Variants in PIK3R4 observed in about 807,000 individuals in gnomAD.
The protein encoded by PIK3R4 is phosphoinositide-3-kinase regulatory subunit 4.
PIK3R4 carries 46 observed loss-of-function variants against 136.5 expected under a neutral mutation model. The observed-to-expected ratio is 0.34, with a 90% CI of 0.27 to 0.43. PIK3R4 has a LOEUF of 0.43. Among genes scored for constraint, PIK3R4 ranks in the 20% least tolerant of loss-of-function variants. PIK3R4 has a pLI of 1.00. For missense variants in PIK3R4, 1,331 were observed against 1,649.5 expected (o/e 0.81, Z 3.35); for synonymous variants, 557 against 566.7 (o/e 0.98, Z 0.24).
At chr3:130,701,112 T>G (rs1029510316) in intron 13 of PIK3R4, among the ~76,000 whole-genome samples, 1 of 152,214 alleles carries the variant, frequency 6.6e-6, no homozygotes, top group Non-Finnish European at 1.5e-5. Flanking sequence ...AAGCAGGGTT[T>G]TTGCAATTTA....
In PIK3R4 at chr3:130,707,132, C is replaced by G. The variant is rs185118493; in HGVS notation, c.2537G>C (p.Arg846Thr). ...TKQEPDDKRA[R>T]KHVKQDSNVN... ...ATTTGAGTCTTGTTTTACATGTTTT[C>G]TGGCTATGAAAATATATTCAGAATA... Residue 846 changes from arginine to threonine, a missense_variant, in exon 11 of 20, where the codon AGA becomes ACA. By Grantham distance (71) the Arg-to-Thr change is moderately conservative. Coordinates refer to ENST00000356763, the MANE Select transcript of PIK3R4 (RefSeq NM_014602.3). 31 of 1,599,168 alleles carry G rather than the reference C, an allele frequency of 1.9e-5. No homozygotes were observed. In the Admixed American group the frequency reaches 3.8e-4, roughly 20 times the overall value.
At chr3:130,722,837 A>C (rs758604959) in intron 7 of PIK3R4, among the ~76,000 whole-genome samples, 1 of 150,702 alleles carries the variant, frequency 6.6e-6, no homozygotes, top group African/African-American at 2.4e-5. Flanking sequence ...CAGGCAGATC[A>C]TGAGGTCAGG....
chr3:130,728,701 A>G lies in PIK3R4; in HGVS notation c.1586-17T>C. Reference sequence around the variant, plus strand: ...CTTGGAGCTCTAAAAAAAAAAAAAAAAGAAAGAAAGAAAGAAAGAAAAGAA... The same window carrying G: ...CTTGGAGCTCTAAAAAAAAAAAAAAGAGAAAGAAAGAAAGAAAGAAAAGAA... On this transcript the variant is annotated splice_polypyrimidine_tract_variant and intron_variant, in intron 5 of 19. Coordinates refer to ENST00000356763, the MANE Select transcript of PIK3R4 (RefSeq NM_014602.3). 1.4e-6 allele frequency: 2 copies of G among 1,387,618 alleles called. No individual in the cohort carries two copies. The highest frequency in any genetic ancestry group is 2.3e-5 in the Admixed American group (1 of 43,144). The allele number at this position is 1,387,618 out of a possible 1,614,324, so 86.0% of individuals were successfully genotyped here.
At chr3:130,723,388 T>C in intron 7 of PIK3R4, 26 bp downstream of exon 7, 1 of 1,575,456 alleles carries the variant, frequency 6.3e-7, no homozygotes, top group South Asian at 1.2e-5. Context: ...CCAATCTCAT[T>C]CTAATTTTGA....
intron 2 of PIK3R4, 148 bp from the exon 3 acceptor site, chr3:130,736,150 T>C (rs2066784596): frequency 5.4e-6 from 3 of 552,258 alleles, no homozygotes; most frequent in Non-Finnish European, 9.3e-6. Flanking sequence ...ACAACTACAA[T>C]CAAGCTGACA....
At chr3:130,703,671 A>G (rs993433151) in intron 13 of PIK3R4, 52 bp downstream of exon 13, 1 of 1,384,978 alleles carries the variant, frequency 7.2e-7, no homozygotes, top group Non-Finnish European at 1.0e-6. Context: ...ACACTCAATA[A>G]ACATTTGTTG....
In PIK3R4 at chr3:130,734,124, G is replaced by C; in HGVS notation, c.874C>G (p.Gln292Glu). 3 of 1,608,350 alleles carry C rather than the reference G, an allele frequency of 1.9e-6. No individual in the cohort carries two copies. The highest frequency in any genetic ancestry group is 2.5e-6 in the Non-Finnish European group (3 of 1,176,788). ...TTATCTGGCTCACGGTGAATCATCT[G>C]AGTTACCTATACCAAGGGAAGAAAA... ...EDHSIRELVT[Q>E]MIHREPDKRL... The change falls in exon 4 of 20, where the codon CAG becomes GAG. Residue 292 changes from glutamine to glutamate, a missense_variant. Around this residue, in one of 2 missense-constraint regions of PIK3R4, gnomAD observed 1,180 missense variants for 1,407.0 expected, o/e 0.84. Coordinates refer to ENST00000356763, the MANE Select transcript of PIK3R4 (RefSeq NM_014602.3).
At chr3:130,681,639 A>T (rs1477679206) in intron 16 of PIK3R4, 48 bp from the exon 17 acceptor site, 1 of 1,171,180 alleles carries the variant, frequency 8.5e-7, no homozygotes, top group South Asian at 1.3e-5. Flanking sequence ...AAAGAGTTGG[A>T]GAAGATTACA....
intron 15 of PIK3R4, among the ~76,000 whole-genome samples, chr3:130,685,005 T>C (rs889732191): frequency 3.9e-5 from 6 of 152,122 alleles, no homozygotes; most frequent in Non-Finnish European, 7.3e-5. Flanking sequence ...AGTTAGGGAA[T>C]CTAGAAAACC....
chr3:130,736,164 A>G (rs902566068), intron 2 of PIK3R4, among the ~76,000 whole-genome samples, 162 bp from the exon 3 acceptor site: 2 of 152,228 alleles, frequency 1.3e-5, no homozygotes, highest in Non-Finnish European at 2.9e-5. Context: ...GCTGACAGGG[A>G]AAATGTCTAT....
rs1445416732 is a variant in PIK3R4, at chr3:130,717,313, A to T, written c.2128-714T>A. ...TAGAAAAATAAGATTCATGAAGCAA[A>T]TGAATAATTAGCCTCTCAACTTCTG... On this transcript the variant is annotated intron_variant, in intron 8 of 19. Transcript: ENST00000356763. Among the ~76,000 whole-genome samples, 4 of 152,146 alleles carry T rather than the reference A, an allele frequency of 2.6e-5. No individual in the cohort carries two copies. In the East Asian group the frequency reaches 7.7e-4, roughly 29 times the overall value.
chr3:130,701,328 A>G (rs2066573003), intron 13 of PIK3R4, among the ~76,000 whole-genome samples: 2 of 151,876 alleles, frequency 1.3e-5, no homozygotes, highest in Admixed American at 1.3e-4. Context: ...CCTGGCCAAC[A>G]ATGGCAAAAC....
At chr3:130,686,954 C>A (rs1269638223) in intron 14 of PIK3R4, among the ~76,000 whole-genome samples, 2 of 152,116 alleles carry the variant, frequency 1.3e-5, no homozygotes, top group Non-Finnish European at 2.9e-5. Context: ...GGGAAAGATA[C>A]CACAGAAGTG....
intron 9 of PIK3R4, among the ~76,000 whole-genome samples, chr3:130,712,058 AAC>A (rs1339660091): frequency 6.6e-5 from 10 of 152,348 alleles, no homozygotes; most frequent in Non-Finnish European, 1.3e-4. Flanking sequence ...ATCTAATGAA[AAC>A]AGCCCTTCCA....
intron 7 of PIK3R4, among the ~76,000 whole-genome samples, chr3:130,723,080 A>AAAAAAAAAAAAAAAAAAAAAAAG (rs1559827887): frequency 6.8e-6 from 1 of 146,462 alleles, no homozygotes; most frequent in Non-Finnish European, 1.5e-5. Flanking sequence ...AAAAAAAAAA[A>AAAAAAAAAAAAAAAAAAAAAAAG]AAAAAAAAAA....
chr3:130,739,497 G>A (rs966646268), intron 2 of PIK3R4, among the ~76,000 whole-genome samples: 11 of 152,024 alleles, frequency 7.2e-5, no homozygotes, highest in South Asian at 2.1e-4. Flanking sequence ...TCAGCTTCCC[G>A]GGTAGCTGGG....
At chr3:130,712,432 G>A (rs2066637629) in intron 9 of PIK3R4, among the ~76,000 whole-genome samples, 1 of 152,062 alleles carries the variant, frequency 6.6e-6, no homozygotes, top group South Asian at 2.1e-4. Flanking sequence ...ACTTTGGGAG[G>A]CCAAGGCGGG....
chr3:130,712,307 A>T (rs1170517956), intron 9 of PIK3R4, among the ~76,000 whole-genome samples: 1 of 152,168 alleles, frequency 6.6e-6, no homozygotes. Flanking sequence ...AAAATTATGT[A>T]GAAGTGTTCA....
Position 130,705,545 on chromosome 3 carries a change from T to A in PIK3R4, c.2932+16A>T. 1 of 1,549,678 alleles carries A rather than the reference T, an allele frequency of 6.5e-7. No individual in the cohort carries two copies. Among genetic ancestry groups the A allele is most frequent in the Non-Finnish European group, 8.9e-7 (1 of 1,121,880 alleles). ...ACCTAGACTAGACTACAACTACTTATCAACGGAACTTTTACCAGGTGGTGG... is the reference window on the plus strand; with the variant it reads ...ACCTAGACTAGACTACAACTACTTAACAACGGAACTTTTACCAGGTGGTGG... On this transcript the variant is annotated intron_variant, in intron 12 of 19. Coordinates refer to ENST00000356763, the MANE Select transcript of PIK3R4 (RefSeq NM_014602.3).
Sources: gnomAD v4.1 joint callset for allele counts (sites outside exome capture counted in the v4.1 genomes callset) on GRCh38, gnomAD v4.1.1 for gene constraint, gnomAD v4.1.1 regional missense constraint, MANE v1.5 for transcripts, NCBI Gene and HGNC (gene_info 2026-07-23, HGNC 2026-07-21) for gene names.